CNTN6: variants seen among roughly 807,000 people sequenced by gnomAD.
CNTN6 encodes contactin-6.
Under a neutral mutation model 122.8 loss-of-function variants are expected in CNTN6, and 137 were observed. The observed-to-expected ratio is 1.12, with a 90% CI of 0.97 to 1.29. The LOEUF is 1.29. Among genes scored for constraint, CNTN6 ranks in the 50% most tolerant of loss-of-function variants. CNTN6 has a pLI of 0.00. For missense variants in CNTN6, 1,634 were observed against 1,223.4 expected, an observed-to-expected ratio of 1.34 and a Z score of -5.01; for synonymous variants, 570 against 426.0, an observed-to-expected ratio of 1.34 and a Z score of -4.16.
chr3:1,111,141 T>G (rs2091462228), intron 1 of CNTN6, among the ~76,000 whole-genome samples: 1 of 152,176 alleles, frequency 6.6e-6, no homozygotes, highest in African/African-American at 2.4e-5. Context: ...GTAGTGAATT[T>G]CAGCCAGTGT....
At chr3:1,256,574 T>C (rs1267866647) in intron 4 of CNTN6, among the ~76,000 whole-genome samples, 1 of 152,192 alleles carries the variant, frequency 6.6e-6, no homozygotes, top group Non-Finnish European at 1.5e-5. Context: ...GCTAACCATA[T>C]GAATTTGAGA....
chr3:1,212,865 A>C (rs2094066115), intron 2 of CNTN6, among the ~76,000 whole-genome samples: 1 of 152,140 alleles, frequency 6.6e-6, no homozygotes, highest in Non-Finnish European at 1.5e-5. Flanking sequence ...TTAAACAATT[A>C]GTTGAAACTA....
At chr3:1,402,777 A>G in intron 22 of CNTN6, 1 of 265,756 alleles carries the variant, frequency 3.8e-6, no homozygotes, top group Non-Finnish European at 7.1e-6. Context: ...CAAAAATCAG[A>G]AAGATTTTTC....
At chr3:1,183,488 A>G (rs2093587366) in intron 2 of CNTN6, among the ~76,000 whole-genome samples, 1 of 152,116 alleles carries the variant, frequency 6.6e-6, no homozygotes, top group South Asian at 2.1e-4. Context: ...AGTATTTCAC[A>G]AAGTCCAGTA....
At chr3:1,118,441 AT>A (rs2125049512) in intron 1 of CNTN6, among the ~76,000 whole-genome samples, 1 of 152,300 alleles carries the variant, frequency 6.6e-6, no homozygotes, top group Non-Finnish European at 1.5e-5. Context: ...AATGAAGAAA[AT>A]AATGCTGTCT....
At chr3:1,191,323 G>A (rs1294499528) in intron 2 of CNTN6, among the ~76,000 whole-genome samples, 1 of 152,138 alleles carries the variant, frequency 6.6e-6, no homozygotes, top group Admixed American at 6.5e-5. Flanking sequence ...GCTGTTAGTA[G>A]AAGCTTGGAA....
chr3:1,374,450 A>G (rs2126147140), intron 16 of CNTN6, among the ~76,000 whole-genome samples: 1 of 152,230 alleles, frequency 6.6e-6, no homozygotes, highest in South Asian at 2.1e-4. Context: ...TGGTGCAGTC[A>G]GCCATATATT....
intron 4 of CNTN6, among the ~76,000 whole-genome samples, chr3:1,244,519 C>A (rs192344117): frequency 6.6e-6 from 1 of 151,876 alleles, no homozygotes; most frequent in Non-Finnish European, 1.5e-5. Flanking sequence ...TTGGCCCTGC[C>A]CCAGGAAAGT....
At chr3:1,355,505 A>G (rs1011717502) in intron 12 of CNTN6, among the ~76,000 whole-genome samples, 2 of 151,754 alleles carry the variant, frequency 1.3e-5, no homozygotes, top group African/African-American at 4.8e-5. Context: ...GGAAAAAATT[A>G]TAATAGTGTA....
chr3:1,107,730 A>G (rs189788915), intron 1 of CNTN6, among the ~76,000 whole-genome samples: 9 of 152,148 alleles, frequency 5.9e-5, no homozygotes, highest in African/African-American at 1.9e-4. Context: ...GCTAATGTGT[A>G]TAATTAGCAT....
Position 1,388,356 on chromosome 3 carries a change from C to CTGTT in CNTN6, c.2704+2560_2704+2563dup, listed in dbSNP as rs574030306. 6.0e-4 allele frequency among the ~76,000 whole-genome samples: 89 copies of CTGTT among 148,108 alleles called. 1 individual carries two copies. The highest frequency in any genetic ancestry group is 2.0e-3 in the African/African-American group (83 of 40,540). On this transcript the variant is annotated intron_variant, in intron 20 of 22. Coordinates refer to ENST00000446702, the MANE Select transcript of CNTN6 (RefSeq NM_001289080.2). The stretch of plus-strand genomic sequence containing the variant: ...ACAGACCTGAAGCTGAGGGTCCTGT[C>CTGTT]TGTTAGAAGGAAAACTAACAAACAG...
chr3:1,281,995 CA>C (rs1359054972), intron 5 of CNTN6, among the ~76,000 whole-genome samples: 5 of 151,824 alleles, frequency 3.3e-5, no homozygotes, highest in African/African-American at 9.7e-5. Flanking sequence ...CACACACACA[CA>C]CACACACACA....
At chr3:1,360,544 C>T (rs994296711) in intron 12 of CNTN6, among the ~76,000 whole-genome samples, 1 of 151,948 alleles carries the variant, frequency 6.6e-6, no homozygotes, top group Non-Finnish European at 1.5e-5. Flanking sequence ...TGTATATAAA[C>T]ATACATGTAT....
chr3:1,364,814 C>G (rs1049187333), intron 12 of CNTN6, among the ~76,000 whole-genome samples: 16 of 151,926 alleles, frequency 1.1e-4, no homozygotes, highest in African/African-American at 3.9e-4. Flanking sequence ...GGCTATTCAT[C>G]AAAAGCGTCA....
At chr3:1,109,890 T>C (rs1165044838) in intron 1 of CNTN6, among the ~76,000 whole-genome samples, 6 of 152,082 alleles carry the variant, frequency 3.9e-5, no homozygotes, top group Non-Finnish European at 8.8e-5. Context: ...TTTATTATAA[T>C]TTTTAAGTCT....
chr3:1,094,716 G>A (rs928900241), intron 1 of CNTN6, among the ~76,000 whole-genome samples: 2 of 151,134 alleles, frequency 1.3e-5, no homozygotes, highest in African/African-American at 4.9e-5. Context: ...AATCAATTAT[G>A]TTGTGAAAAG....
At chr3:1,259,846 T>A (rs1274294049) in intron 4 of CNTN6, among the ~76,000 whole-genome samples, 1 of 152,082 alleles carries the variant, frequency 6.6e-6, no homozygotes, top group East Asian at 1.9e-4. Context: ...GTATACTATA[T>A]GTAATTATAT....
chr3:1,162,294 A>ATTGTT (rs1260431392), intron 2 of CNTN6, among the ~76,000 whole-genome samples: 1 of 32,540 alleles, frequency 3.1e-5, no homozygotes, highest in Non-Finnish European at 5.0e-5. Flanking sequence ...CCTTGTTTGT[A>ATTGTT]TTGTTTTGTT....
intron 19 of CNTN6, among the ~76,000 whole-genome samples, chr3:1,383,912 G>T (rs1019206849): frequency 8.5e-5 from 13 of 152,210 alleles, no homozygotes; most frequent in African/African-American, 3.1e-4. Context: ...TGTTGCCATG[G>T]CAGTGGTAAA....
Sources: gnomAD v4.1 joint callset for allele counts (sites outside exome capture counted in the v4.1 genomes callset) on GRCh38, gnomAD v4.1.1 for gene constraint, MANE v1.5 for transcripts, NCBI Gene and HGNC (gene_info 2026-07-23, HGNC 2026-07-21) for gene names.